DTD1: variants seen among roughly 807,000 people sequenced by gnomAD.
DTD1 encodes D-tyrosyl-tRNA deacylase 1 homolog.
DTD1 carries 13 observed loss-of-function variants against 25.6 expected under a neutral mutation model. That is an observed-to-expected ratio of 0.51 (90% CI 0.33 to 0.81). The LOEUF is 0.81. DTD1 is among the 30% of genes least tolerant of loss of function. DTD1 has a pLI of 0.02. For missense variants in DTD1, 193 were observed against 266.4 expected (o/e 0.72, Z 1.92); for synonymous variants, 110 against 103.6 (o/e 1.06, Z -0.37).
chr20:18,761,139 T>G (rs1294230034), intron 5 of DTD1, among the ~76,000 whole-genome samples: 1 of 152,172 alleles, frequency 6.6e-6, no homozygotes, highest in Non-Finnish European at 1.5e-5. Flanking sequence ...CTATCACCCC[T>G]TTCCTTGGCT....
intron 3 of DTD1, among the ~76,000 whole-genome samples, chr20:18,597,107 T>A (rs2060615038): frequency 6.6e-6 from 1 of 151,968 alleles, no homozygotes; most frequent in Admixed American, 6.6e-5. Context: ...CTCAATAAGC[T>A]TTTTTGACCT....
chr20:18,751,843 T>G (rs2061322460), intron 5 of DTD1, among the ~76,000 whole-genome samples: 2 of 128,346 alleles, frequency 1.6e-5, no homozygotes, highest in African/African-American at 2.8e-5. Flanking sequence ...GACTTGTAGT[T>G]TTTTTTTTTT....
intron 5 of DTD1, among the ~76,000 whole-genome samples, chr20:18,762,038 A>G (rs2061365136): frequency 6.6e-6 from 1 of 152,202 alleles, no homozygotes; most frequent in Non-Finnish European, 1.5e-5. Flanking sequence ...GCTGCAGAGC[A>G]TGGGCTAGCT....
intron 5 of DTD1, among the ~76,000 whole-genome samples, chr20:18,755,143 A>T (rs2061333994): frequency 6.6e-6 from 1 of 152,072 alleles, no homozygotes; most frequent in African/African-American, 2.4e-5. Context: ...TCTTTCTCAT[A>T]TAACATTTCT....
At chr20:18,608,799 A>T (rs1246727615) in intron 3 of DTD1, among the ~76,000 whole-genome samples, 2 of 152,166 alleles carry the variant, frequency 1.3e-5, no homozygotes, top group East Asian at 3.8e-4. Flanking sequence ...ACTAATCAAG[A>T]CTTAGCTAGA....
chr20:18,654,383 G>A (rs900678114), intron 4 of DTD1, among the ~76,000 whole-genome samples: 1 of 152,172 alleles, frequency 6.6e-6, no homozygotes. Flanking sequence ...GGAACTATGA[G>A]TCCATTAAAC....
At chr20:18,632,459 C>A in intron 4 of DTD1, 1 of 985,474 alleles carries the variant, frequency 1.0e-6, no homozygotes, top group Non-Finnish European at 1.2e-6. Flanking sequence ...GGGCCTCTCT[C>A]TGCCTTTTCT....
At chr20:18,630,903 A>G (rs2122318052) in intron 4 of DTD1, 1 of 199,752 alleles carries the variant, frequency 5.0e-6, no homozygotes, top group Admixed American at 6.5e-5. Flanking sequence ...AATAGGAAAT[A>G]GCACAGAAGT....
chr20:18,720,296 T>A (rs6045568), intron 4 of DTD1, among the ~76,000 whole-genome samples: 127,794 of 152,176 alleles, frequency 0.84, 54,526 homozygotes, highest in Non-Finnish European at 0.93. Flanking sequence ...TTTCATACTA[T>A]CATAAATGCA....
chr20:18,697,716 G>T (rs914718105), intron 4 of DTD1, among the ~76,000 whole-genome samples: 2 of 152,186 alleles, frequency 1.3e-5, no homozygotes, highest in Admixed American at 6.5e-5. Flanking sequence ...ACAGAGTCTC[G>T]CTCTTTCGCC....
chr20:18,744,428 G>A (rs1478664780), intron 5 of DTD1, among the ~76,000 whole-genome samples, 157 bp downstream of exon 5: 2 of 152,170 alleles, frequency 1.3e-5, no homozygotes, highest in South Asian at 2.1e-4. Context: ...AAAAGTTAGT[G>A]TGTTAGTCCG....
chr20:18,655,421 T>G (rs1400102368), intron 4 of DTD1, among the ~76,000 whole-genome samples: 2 of 152,184 alleles, frequency 1.3e-5, no homozygotes, highest in East Asian at 3.8e-4. Flanking sequence ...GTTGCAAGGG[T>G]AAGTCTGTTT....
intron 4 of DTD1, among the ~76,000 whole-genome samples, chr20:18,644,368 A>G (rs2060842619): frequency 6.6e-6 from 1 of 152,160 alleles, no homozygotes; most frequent in Non-Finnish European, 1.5e-5. Flanking sequence ...GACTTGTTCT[A>G]AGTTAGCATC....
intron 4 of DTD1, among the ~76,000 whole-genome samples, chr20:18,664,142 A>C (rs186844604): frequency 9.5e-4 from 145 of 152,290 alleles, no homozygotes; most frequent in Admixed American, 2.4e-3. Flanking sequence ...CTAACCATGC[A>C]TTTCTTGGAA....
chr20:18,694,896 C>T (rs1304605800), intron 4 of DTD1, among the ~76,000 whole-genome samples: 1 of 152,070 alleles, frequency 6.6e-6, no homozygotes, highest in Admixed American at 6.5e-5. Flanking sequence ...ACTGCAGTAC[C>T]CCCAAGAGTG....
intron 3 of DTD1, among the ~76,000 whole-genome samples, chr20:18,602,880 C>A (rs1326678574): frequency 1.8e-5 from 2 of 113,354 alleles, no homozygotes; most frequent in African/African-American, 3.2e-5. Context: ...TGAGCAAAAT[C>A]ACCAGCTGAC....
chr20:18,751,001 C>G (rs185116073), intron 5 of DTD1, among the ~76,000 whole-genome samples: 2 of 152,104 alleles, frequency 1.3e-5, no homozygotes, highest in Admixed American at 1.3e-4. Context: ...TCAATGTGAC[C>G]TTTGTCTGAA....
At chr20:18,638,170 C>CCCATCCAT (rs55689427) in intron 4 of DTD1, among the ~76,000 whole-genome samples, 4 of 150,464 alleles carry the variant, frequency 2.7e-5, no homozygotes, top group Non-Finnish European at 5.9e-5. Context: ...CCTCCATCTG[C>CCCATCCAT]CCATCCATCC....
chr20:18,649,728 G>A (rs2060866315), intron 4 of DTD1, among the ~76,000 whole-genome samples: 1 of 152,192 alleles, frequency 6.6e-6, no homozygotes, highest in Non-Finnish European at 1.5e-5. Flanking sequence ...CACGCTTACT[G>A]TAAATGTGAG....
Sources: gnomAD v4.1 joint callset for allele counts (sites outside exome capture counted in the v4.1 genomes callset) on GRCh38, gnomAD v4.1.1 for gene constraint, MANE v1.5 for transcripts, NCBI Gene and HGNC (gene_info 2026-07-23, HGNC 2026-07-21) for gene names.